GATA6: variants seen among roughly 807,000 people sequenced by gnomAD.
The protein encoded by GATA6 is transcription factor GATA-6.
Under a neutral mutation model 48.1 loss-of-function variants are expected in GATA6, and 11 were observed. The observed-to-expected ratio is 0.23, with a 90% CI of 0.14 to 0.38. The LOEUF is 0.38. Ranked by LOEUF, GATA6 falls within the 10% of genes least tolerant of loss-of-function variation. The pLI is 1.00. For synonymous variants in GATA6, 419 were observed against 396.1 expected, an observed-to-expected ratio of 1.06 and a Z score of -0.69; for missense variants, 795 against 850.3, an observed-to-expected ratio of 0.93 and a Z score of 0.81.
chr18:22,171,024 G>C lies in GATA6; in HGVS notation c.-37-84G>C. 2.5e-6 allele frequency: 2 copies of C among 786,592 alleles called. No individual in the cohort carries two copies. The highest frequency in any genetic ancestry group is 4.3e-6 in the Non-Finnish European group (2 of 464,734). The allele number at this position is 786,592 out of a possible 1,614,324, so 48.7% of individuals were successfully genotyped here. On this transcript the variant is annotated intron_variant, in intron 1 of 6. Coordinates refer to ENST00000269216, the MANE Select transcript of GATA6 (RefSeq NM_005257.6). This position sits in a 1 kb window ranked among gnomAD's most constrained non-coding sequence, Gnocchi z 7.1. ...CAGATCCCATTTGAACTAGAAAAAGGAGTGGAGGCGAGGTAGCGTGCAGCC... is the reference window on the plus strand; with the variant it reads ...CAGATCCCATTTGAACTAGAAAAAGCAGTGGAGGCGAGGTAGCGTGCAGCC...
intron 6 of GATA6, among the ~76,000 whole-genome samples, chr18:22,200,302 ACAGT>A (rs1004825025): frequency 9.2e-5 from 14 of 152,182 alleles, no homozygotes; most frequent in African/African-American, 3.4e-4. Flanking sequence ...GGTTTGTTTC[ACAGT>A]CAGAGATCTT....
In GATA6 at chr18:22,170,938, T is replaced by C; in HGVS notation, c.-37-170T>C. ...AGGCTCCCTTCCCCTCCCTTATTGA[T>C]CTCCACGCCCGGGGCAGAAATAGGA... On this transcript the variant is annotated intron_variant, in intron 1 of 6. Transcript: ENST00000269216. The surrounding 1 kb of genome is among the most constrained non-coding windows in gnomAD (Gnocchi z 6.7). The C allele has an allele frequency of 1.7e-6, 1 of 605,820 alleles. No individual in the cohort carries two copies. The highest frequency in any genetic ancestry group is 2.9e-6 in the Non-Finnish European group (1 of 339,666). The allele number at this position is 605,820 out of a possible 1,614,324, so 37.5% of individuals were successfully genotyped here.
intron 6 of GATA6, among the ~76,000 whole-genome samples, chr18:22,186,340 A>G (rs2033261578): frequency 6.6e-6 from 1 of 152,198 alleles, no homozygotes; most frequent in African/African-American, 2.4e-5. Context: ...TAGCAGTATC[A>G]CTGCCTTTCT....
intron 6 of GATA6, among the ~76,000 whole-genome samples, chr18:22,190,714 T>C (rs1043916829): frequency 3.9e-5 from 6 of 152,206 alleles, no homozygotes; most frequent in African/African-American, 9.7e-5. Flanking sequence ...GTCTCCTGCC[T>C]CCCAGTCCAG....
rs532474647 is a variant in GATA6 at position 22,178,787 on chromosome 18, T to G, written c.1302+1666T>G. Among the ~76,000 whole-genome samples the G allele has an allele frequency of 4.6e-5, 7 of 152,344 alleles. No homozygotes were observed. In the South Asian group the frequency reaches 1.2e-3, roughly 27 times the overall value. Reference sequence around the variant, plus strand: ...GTTTCATGTTTTCTTAAATGCATCATATTAAAGAAGAAAAAGTAGTAACTG... The same window carrying G: ...GTTTCATGTTTTCTTAAATGCATCAGATTAAAGAAGAAAAAGTAGTAACTG... On this transcript the variant is annotated intron_variant, in intron 3 of 6. Coordinates refer to ENST00000269216, the MANE Select transcript of GATA6 (RefSeq NM_005257.6).
chr18:22,186,098 A>G (rs1051575142), intron 6 of GATA6, among the ~76,000 whole-genome samples: 2 of 152,214 alleles, frequency 1.3e-5, no homozygotes, highest in African/African-American at 2.4e-5. Context: ...TTTACAAAGT[A>G]TATGTATTAC....
chr18:22,188,164 A>G (rs995932513), intron 6 of GATA6, among the ~76,000 whole-genome samples: 4 of 152,396 alleles, frequency 2.6e-5, no homozygotes, highest in Non-Finnish European at 5.9e-5. Flanking sequence ...ATCATTAAAC[A>G]TAAAGTGTTG....
Position 22,171,097 on chromosome 18 carries a change from C to T in GATA6, c.-37-11C>T, listed in dbSNP as rs2033031405. 6.4e-7 allele frequency: 1 copy of T among 1,550,696 alleles called. No individual in the cohort carries two copies. Among genetic ancestry groups the T allele is most frequent in the Non-Finnish European group, 8.8e-7 (1 of 1,138,044 alleles). On this transcript the variant is annotated splice_polypyrimidine_tract_variant and intron_variant, in intron 1 of 6. Transcript: ENST00000269216. This position sits in a 1 kb window ranked among gnomAD's most constrained non-coding sequence, Gnocchi z 7.1. ...TCTCCTACCATACCCGTCTCCCCCA[C>T]CCCACCTCAGGAGCTAGACGTCAGC... is the stretch of plus-strand genomic sequence containing the variant.
chr18:22,172,109 C>G lies in GATA6; in HGVS notation c.965C>G (p.Thr322Arg), dbSNP rs1181149652. The G allele has an allele frequency of 6.6e-7, 1 of 1,504,686 alleles. No individual in the cohort carries two copies. The highest frequency in any genetic ancestry group is 8.8e-7 in the Non-Finnish European group (1 of 1,132,478). 93.2% of individuals were successfully genotyped at this position (1,504,686 alleles called of 1,614,324 possible). Reference protein sequence around the residue: ...SLSAARPLNGTYHHHHHHHHH... With the variant: ...SLSAARPLNGRYHHHHHHHHH... ...TCGGCCGCGCGGCCGCTGAACGGGA[C>G]GTACCACCACCACCACCACCACCAC... Residue 322 changes from threonine (T) to arginine (R), a missense_variant, in exon 2 of 7, where the codon ACG becomes AGG. Thr to Arg is a moderately conservative substitution (Grantham distance 71). This residue lies in a region of GATA6 where 591 missense variants were observed against 570.0 expected (regional missense o/e 1.04). Coordinates refer to ENST00000269216, the MANE Select transcript of GATA6 (RefSeq NM_005257.6). This position sits in a 1 kb window ranked among gnomAD's most constrained non-coding sequence, Gnocchi z 5.2.
At chr18:22,199,654 GCACTCTGGGAGGCC>G (rs2033431138) in intron 6 of GATA6, among the ~76,000 whole-genome samples, 1 of 152,146 alleles carries the variant, frequency 6.6e-6, no homozygotes, top group Non-Finnish European at 1.5e-5. Context: ...TGTAATCCCA[GCACTCTGGGAGGCC>G]CAGGCAAGCA....
chr18:22,196,040 T>G (rs559438848), intron 6 of GATA6, among the ~76,000 whole-genome samples: 2 of 152,224 alleles, frequency 1.3e-5, no homozygotes, highest in African/African-American at 4.8e-5. Flanking sequence ...TTCTGTAAGG[T>G]GGGTGTACCA....
At chr18:22,198,416 T>A (rs2033418425) in intron 6 of GATA6, among the ~76,000 whole-genome samples, 1 of 152,206 alleles carries the variant, frequency 6.6e-6, no homozygotes, top group East Asian at 1.9e-4. Context: ...GACAGATCCC[T>A]CTGCTGTCTT....
intron 6 of GATA6, among the ~76,000 whole-genome samples, chr18:22,184,588 G>A (rs1336528485): frequency 1.3e-5 from 2 of 151,862 alleles, no homozygotes; most frequent in East Asian, 1.9e-4. Flanking sequence ...TCCACTTCCC[G>A]GATTCAAGCA....
intron 6 of GATA6, among the ~76,000 whole-genome samples, chr18:22,200,198 T>C (rs369661536): frequency 2.7e-5 from 4 of 146,992 alleles, no homozygotes; most frequent in Non-Finnish European, 3.0e-5. Flanking sequence ...TGTGTGTGTG[T>C]GTGCGCGCGC....
chr18:22,179,305 T>TA (rs1257674982), intron 3 of GATA6, among the ~76,000 whole-genome samples: 2 of 152,232 alleles, frequency 1.3e-5, no homozygotes, highest in Non-Finnish European at 2.9e-5. Context: ...GCCAGCACTA[T>TA]AGAACCAATC....
chr18:22,172,178 T>A lies in GATA6; in HGVS notation c.1034T>A (p.Leu345Gln). The A allele has an allele frequency of 1.5e-6, 2 of 1,347,618 alleles. No homozygotes were observed. Among genetic ancestry groups the A allele is most frequent in the Non-Finnish European group, 1.9e-6 (2 of 1,027,178 alleles). The allele number at this position is 1,347,618 out of a possible 1,614,324, so 83.5% of individuals were successfully genotyped here. ...TACTCGCCCTACGTGGGGGCGCCAC[T>A]GACGCCTGCCTGGCCCGCCGGACCC... ...SPYSPYVGAPLTPAWPAGPFE... is the reference protein window; with the variant it reads ...SPYSPYVGAPQTPAWPAGPFE... The change falls in exon 2 of 7, where the codon CTG (leucine) becomes CAG (glutamine). Residue 345 changes from leucine (L) to glutamine (Q), a missense_variant. Leu to Gln is a moderately radical substitution (Grantham distance 113). Around this residue, in one of 5 missense-constraint regions of GATA6, gnomAD observed 591 missense variants for 570.0 expected, o/e 1.04. Transcript: ENST00000269216. The surrounding 1 kb of genome is among the most constrained non-coding windows in gnomAD (Gnocchi z 5.2).
At chr18:22,199,731 C>T (rs923733662) in intron 6 of GATA6, among the ~76,000 whole-genome samples, 8 of 151,726 alleles carry the variant, frequency 5.3e-5, no homozygotes, top group Non-Finnish European at 8.8e-5. Context: ...GGTGAAACCC[C>T]GTCTCTACTA....
Position 22,177,011 on chromosome 18 carries a change from A to G in GATA6, c.1192A>G (p.Thr398Ala). ...RECVNCGSIQ[T>A]PLWRRDGTGH... ...GTGCGTGAACTGCGGCTCCATCCAGACGCCGCTGTGGCGGCGGGACGGCAC... is the reference window on the plus strand; with the variant it reads ...GTGCGTGAACTGCGGCTCCATCCAGGCGCCGCTGTGGCGGCGGGACGGCAC... Residue 398 changes from threonine (T) to alanine (A), a missense_variant, in exon 3 of 7, where the codon ACG becomes GCG. Physicochemically the swap from Thr to Ala is moderately conservative, Grantham distance 58. Coordinates refer to ENST00000269216, the MANE Select transcript of GATA6 (RefSeq NM_005257.6). 2 of 1,577,418 alleles carry G rather than the reference A, an allele frequency of 1.3e-6. No homozygotes were observed. Among genetic ancestry groups the G allele is most frequent in the Non-Finnish European group, 1.7e-6 (2 of 1,163,648 alleles).
chr18:22,194,566 G>C (rs148218338), intron 6 of GATA6, among the ~76,000 whole-genome samples: 124 of 152,316 alleles, frequency 8.1e-4, no homozygotes, highest in Admixed American at 9.1e-4. Flanking sequence ...GGGTTGTGAT[G>C]TCTGCGATCT....
Sources: gnomAD v4.1 joint callset for allele counts (sites outside exome capture counted in the v4.1 genomes callset) on GRCh38, gnomAD v4.1.1 for gene constraint, gnomAD v4.1.1 regional missense constraint, Gnocchi (gnomAD v3.1) non-coding constraint, MANE v1.5 for transcripts, NCBI Gene and HGNC (gene_info 2026-07-23, HGNC 2026-07-21) for gene names.